The following CMIP variants were observed in gnomAD, a reference collection of about 807,000 sequenced individuals.
CMIP encodes the protein C-Maf-inducing protein.
A neutral mutation model predicts 97.3 loss-of-function variants in CMIP; 13 were observed. The ratio of observed to expected loss-of-function variants is 0.13; its 90% CI spans 0.09 to 0.21. CMIP has a LOEUF of 0.21. Among genes scored for constraint, CMIP ranks in the 10% least tolerant of loss-of-function variants. The pLI is 1.00. For synonymous variants in CMIP, 538 were observed against 436.3 expected, an observed-to-expected ratio of 1.23 and a Z score of -2.91; for missense variants, 847 against 1,024.9, an observed-to-expected ratio of 0.83 and a Z score of 2.37.
At chr16:81,704,286 TC>T in intron 18 of CMIP, among the ~76,000 whole-genome samples, 7 of 56,760 alleles carry the variant, frequency 1.2e-4, no homozygotes, top group African/African-American at 4.8e-4. Flanking sequence ...CCCCTCACCC[TC>T]CTCCCTGCCC....
chr16:81,709,675 G>A, intron 20 of CMIP, 71 bp from the exon 21 acceptor site: 2 of 1,560,962 alleles, frequency 1.3e-6, no homozygotes, highest in Non-Finnish European at 1.8e-6. Flanking sequence ...CAATGCGGGT[G>A]GAGCCAGGCA....
At chr16:81,600,783 G>A (rs1214241061) in intron 1 of CMIP, among the ~76,000 whole-genome samples, 1 of 152,216 alleles carries the variant, frequency 6.6e-6, no homozygotes, top group African/African-American at 2.4e-5. Flanking sequence ...GCCAGGGGAG[G>A]TGGGGACTGA....
intron 20 of CMIP, among the ~76,000 whole-genome samples, chr16:81,709,431 G>C (rs778765301): frequency 4.6e-5 from 7 of 152,174 alleles, no homozygotes; most frequent in African/African-American, 1.7e-4. Context: ...ATCTGCCCAC[G>C]GTCACGCAGC....
At chr16:81,535,521 T>G (rs571979394) in intron 1 of CMIP, among the ~76,000 whole-genome samples, 1 of 151,384 alleles carries the variant, frequency 6.6e-6, no homozygotes, top group South Asian at 2.1e-4. Context: ...TAAGTGGAGC[T>G]AGTCAGAAAA....
chr16:81,509,793 C>T (rs983665131), intron 1 of CMIP, among the ~76,000 whole-genome samples: 2 of 152,124 alleles, frequency 1.3e-5, no homozygotes, highest in Non-Finnish European at 2.9e-5. Context: ...TTAACTGGGA[C>T]CCAGACCCCT....
intron 9 of CMIP, 111 bp from the exon 10 acceptor site, chr16:81,678,164 T>A: frequency 2.8e-6 from 2 of 713,178 alleles, no homozygotes; most frequent in South Asian, 3.8e-5. Context: ...ATGATGATAG[T>A]ATTACATTTT....
At chr16:81,632,908 G>A (rs2092183244) in intron 3 of CMIP, among the ~76,000 whole-genome samples, 1 of 152,004 alleles carries the variant, frequency 6.6e-6, no homozygotes, top group African/African-American at 2.4e-5. Flanking sequence ...TCTTTCCTGA[G>A]CCTCAGAAAT....
chr16:81,451,603 G>A (rs879589817), intron 1 of CMIP, among the ~76,000 whole-genome samples: 1 of 152,196 alleles, frequency 6.6e-6, no homozygotes, highest in Admixed American at 6.5e-5. Flanking sequence ...TGTTTCCTGG[G>A]GTTATTGCTA....
At chr16:81,562,625 G>T (rs555533554) in intron 1 of CMIP, among the ~76,000 whole-genome samples, 1 of 152,220 alleles carries the variant, frequency 6.6e-6, no homozygotes, top group East Asian at 1.9e-4. Flanking sequence ...CATGCCTGGC[G>T]GATGGCCCCA....
intron 11 of CMIP, 80 bp downstream of exon 11, chr16:81,691,920 C>G (rs1004718710): frequency 7.2e-6 from 9 of 1,247,414 alleles, no homozygotes; most frequent in Non-Finnish European, 1.1e-5. Context: ...AGTGGGGGGC[C>G]AGTCATGTTA....
chr16:81,661,721 G>C (rs1055665538), intron 6 of CMIP, among the ~76,000 whole-genome samples: 1 of 152,192 alleles, frequency 6.6e-6, no homozygotes, highest in Non-Finnish European at 1.5e-5. Context: ...GCTGTGGTGC[G>C]CTTGATTTCC....
chr16:81,688,063 A>G (rs1905615223), intron 10 of CMIP, among the ~76,000 whole-genome samples: 1 of 152,240 alleles, frequency 6.6e-6, no homozygotes, highest in Admixed American at 6.5e-5. Flanking sequence ...CAGCAGTGCT[A>G]ATACTGTTCG....
At chr16:81,608,356 C>T (rs1048394732) in intron 2 of CMIP, among the ~76,000 whole-genome samples, 1 of 152,134 alleles carries the variant, frequency 6.6e-6, no homozygotes. Context: ...TTGGGCATCT[C>T]TCTCTCCATC....
intron 18 of CMIP, 61 bp from the exon 19 acceptor site, chr16:81,705,438 G>A (rs1908021516): frequency 8.1e-7 from 1 of 1,229,024 alleles, no homozygotes; most frequent in Non-Finnish European, 1.2e-6. Flanking sequence ...CTCTGCCCCA[G>A]CCTCAGAGTC....
intron 1 of CMIP, among the ~76,000 whole-genome samples, chr16:81,542,474 C>T (rs1215449827): frequency 6.6e-6 from 1 of 152,102 alleles, no homozygotes; most frequent in South Asian, 2.1e-4. Flanking sequence ...TGAAACTGGC[C>T]TGCATCTGGG....
chr16:81,469,975 G>C (rs930378477), intron 1 of CMIP, among the ~76,000 whole-genome samples: 2 of 152,164 alleles, frequency 1.3e-5, no homozygotes, highest in African/African-American at 2.4e-5. Flanking sequence ...TAAAGAGCAG[G>C]CCTCAGTGAT....
At chr16:81,705,635 G>A in intron 19 of CMIP, 31 bp downstream of exon 19, 1 of 1,423,832 alleles carries the variant, frequency 7.0e-7, no homozygotes. Context: ...TGGGGGGTGA[G>A]GGGCCGCTTG....
At chr16:81,447,039 C>G (rs1246870871) in intron 1 of CMIP, among the ~76,000 whole-genome samples, 1 of 152,204 alleles carries the variant, frequency 6.6e-6, no homozygotes, top group African/African-American at 2.4e-5. Context: ...TGCATGTTCT[C>G]AAGCCCGTCC....
At position 81,664,301 on chromosome 16, in the gene CMIP, C is replaced by A. The variant is rs1279570083; in HGVS notation, c.777C>A (p.Val259=). 2 of 1,603,128 alleles carry A rather than the reference C, an allele frequency of 1.2e-6. No homozygotes were observed. Among genetic ancestry groups the A allele is most frequent in the Non-Finnish European group, 1.7e-6 (2 of 1,175,348 alleles). Residue 259 remains valine (V), a synonymous_variant, in exon 7 of 21, where the codon GTC becomes GTA. Transcript: ENST00000537098. The stretch of plus-strand genomic sequence containing the variant: ...GAGAGCGGCCCCGGTCCATGGTGGT[C>A]ATCGAGGTGTTCACCCCCGTGGTGC... ...HCRERPRSMV[V]IEVFTPVVQR... is the part of the protein sequence containing the mutation.
Sources: gnomAD v4.1 joint callset for allele counts (sites outside exome capture counted in the v4.1 genomes callset) on GRCh38, gnomAD v4.1.1 for gene constraint, MANE v1.5 for transcripts, NCBI Gene and HGNC (gene_info 2026-07-23, HGNC 2026-07-21) for gene names.